Variants in HS3ST5 observed in about 807,000 individuals in gnomAD.
HS3ST5 encodes heparan sulfate glucosamine 3-O-sulfotransferase 5.
HS3ST5 carries 10 observed loss-of-function variants against 25.4 expected under a neutral mutation model. That is an observed-to-expected ratio of 0.39 (90% CI 0.24 to 0.67). The LOEUF is 0.67. HS3ST5 is among the 30% of genes least tolerant of loss of function. HS3ST5 has a pLI of 0.44. For synonymous variants in HS3ST5, 170 were observed against 162.4 expected, an observed-to-expected ratio of 1.05 and a Z score of -0.36; for missense variants, 324 against 420.7, an observed-to-expected ratio of 0.77 and a Z score of 2.01.
chr6:114,196,715 T>C (rs1015455808), intron 2 of HS3ST5, among the ~76,000 whole-genome samples: 1 of 151,458 alleles, frequency 6.6e-6, no homozygotes, highest in African/African-American at 2.4e-5. Flanking sequence ...GAAGTAAGAG[T>C]CACTTGATAT....
intron 1 of HS3ST5, among the ~76,000 whole-genome samples, chr6:114,341,475 A>C (rs1004768893): frequency 6.6e-6 from 1 of 152,146 alleles, no homozygotes; most frequent in Non-Finnish European, 1.5e-5. Context: ...GCCCTAAACC[A>C]AGGTGGTCGC....
chr6:114,097,737 CTTAT>C (rs774590614), intron 3 of HS3ST5, among the ~76,000 whole-genome samples: 175 of 151,932 alleles, frequency 1.2e-3, no homozygotes, highest in Non-Finnish European at 2.2e-3. Context: ...GCTCTACTTC[CTTAT>C]TCTTTCCTTT....
intron 2 of HS3ST5, among the ~76,000 whole-genome samples, chr6:114,200,768 T>C (rs2114366163): frequency 6.6e-6 from 1 of 152,284 alleles, no homozygotes. Flanking sequence ...AGAATGAGAA[T>C]TAAGAAAATT....
At chr6:114,309,198 A>G (rs1193853036) in intron 1 of HS3ST5, among the ~76,000 whole-genome samples, 1 of 152,224 alleles carries the variant, frequency 6.6e-6, no homozygotes, top group African/African-American at 2.4e-5. Context: ...CACAGAATAC[A>G]TATGAGCACT....
intron 3 of HS3ST5, among the ~76,000 whole-genome samples, chr6:114,157,965 C>T (rs1778777408): frequency 6.6e-6 from 1 of 152,150 alleles, no homozygotes; most frequent in South Asian, 2.1e-4. Context: ...TCCTGTACAA[C>T]CCCACTCCTC....
At chr6:114,261,908 G>A (rs1433448133) in intron 1 of HS3ST5, among the ~76,000 whole-genome samples, 1 of 152,180 alleles carries the variant, frequency 6.6e-6, no homozygotes, top group Non-Finnish European at 1.5e-5. Flanking sequence ...GAGGAAGACA[G>A]TCTGTGTCCT....
intron 3 of HS3ST5, among the ~76,000 whole-genome samples, chr6:114,125,637 C>T (rs1777001622): frequency 6.6e-6 from 1 of 152,148 alleles, no homozygotes; most frequent in Non-Finnish European, 1.5e-5. Context: ...ATTTAAGGCA[C>T]TAAGACAACA....
In HS3ST5 at chr6:114,062,909, C is replaced by G; in HGVS notation, c.-32-32G>C. The G allele has an allele frequency of 3.9e-6, 5 of 1,270,240 alleles. No homozygotes were observed. The East Asian group carries it at 7.0e-5, about 18-fold the overall frequency. 78.7% of individuals were successfully genotyped at this position (1,270,240 alleles called of 1,614,324 possible). ...TAGAAGGACTCATCAGCAGCCATCT[C>G]TTAGAGGCTCTGTTGGTTGTCACAG... On this transcript the variant is annotated intron_variant, in intron 3 of 4. Coordinates refer to ENST00000312719, the MANE Select transcript of HS3ST5 (RefSeq NM_153612.4).
intron 3 of HS3ST5, among the ~76,000 whole-genome samples, chr6:114,161,521 T>TTATATATATATATACA (rs1778949196): frequency 1.2e-4 from 4 of 33,538 alleles, no homozygotes; most frequent in Non-Finnish European, 2.2e-4. Flanking sequence ...TCCTGAAGTT[T>TTATATATATATATACA]TATATATATA....
chr6:114,084,365 A>C, intron 3 of HS3ST5: 1 of 756,930 alleles, frequency 1.3e-6, no homozygotes, highest in Non-Finnish European at 2.4e-6. Context: ...GAATCAGTCC[A>C]TTCACCCTGA....
intron 3 of HS3ST5, among the ~76,000 whole-genome samples, chr6:114,135,522 C>T (rs568896603): frequency 3.2e-4 from 49 of 152,278 alleles, no homozygotes; most frequent in Middle Eastern, 3.4e-3. Context: ...AACAGACAGG[C>T]GGGTGCCAGC....
intron 3 of HS3ST5, among the ~76,000 whole-genome samples, chr6:114,074,580 C>A (rs912820116): frequency 2.0e-5 from 3 of 152,122 alleles, no homozygotes; most frequent in Non-Finnish European, 4.4e-5. Flanking sequence ...TTTACAGAGG[C>A]CTGTTTTCAA....
intron 3 of HS3ST5, among the ~76,000 whole-genome samples, chr6:114,063,835 G>A (rs1334902): frequency 0.17 from 25,446 of 151,936 alleles, 2,423 homozygotes; most frequent in African/African-American, 0.27. Flanking sequence ...AAACATGTTC[G>A]GACTAGATGC....
chr6:114,319,228 C>T (rs1012137231), intron 1 of HS3ST5, among the ~76,000 whole-genome samples: 1 of 152,108 alleles, frequency 6.6e-6, no homozygotes, highest in African/African-American at 2.4e-5. Context: ...TAATACATTT[C>T]TTTTGCATTA....
At chr6:114,284,371 CT>C (rs1215668508) in intron 1 of HS3ST5, among the ~76,000 whole-genome samples, 1 of 151,838 alleles carries the variant, frequency 6.6e-6, no homozygotes, top group Non-Finnish European at 1.5e-5. Flanking sequence ...TTTTTTTAAA[CT>C]TTTTTTGTGT....
intron 3 of HS3ST5, among the ~76,000 whole-genome samples, chr6:114,134,229 C>T (rs908551162): frequency 2.0e-5 from 3 of 152,120 alleles, no homozygotes; most frequent in African/African-American, 7.2e-5. Flanking sequence ...GGGCTCTGCA[C>T]TTATGATATC....
At chr6:114,190,822 C>A (rs1480209798) in intron 2 of HS3ST5, among the ~76,000 whole-genome samples, 1 of 152,144 alleles carries the variant, frequency 6.6e-6, no homozygotes, top group Non-Finnish European at 1.5e-5. Flanking sequence ...GTGAAGATAA[C>A]TTTTTGGCAT....
intron 1 of HS3ST5, among the ~76,000 whole-genome samples, chr6:114,284,468 A>G (rs1774252619): frequency 6.6e-6 from 1 of 151,936 alleles, no homozygotes; most frequent in African/African-American, 2.4e-5. Flanking sequence ...TGTCTCAGCC[A>G]CAAGATCTAG....
chr6:114,235,152 C>T (rs932123646), intron 1 of HS3ST5, among the ~76,000 whole-genome samples: 5 of 151,934 alleles, frequency 3.3e-5, no homozygotes, highest in Non-Finnish European at 7.4e-5. Context: ...CAAAAGCCCC[C>T]AAAAGAAACA....
Sources: allele counts gnomAD v4.1 joint callset (sites outside exome capture counted in the v4.1 genomes callset), GRCh38; gene constraint gnomAD v4.1.1; transcripts MANE v1.5; gene names NCBI Gene and HGNC (gene_info 2026-07-23, HGNC 2026-07-21).